The following CABLES1 variants were observed in gnomAD, a reference collection of about 807,000 sequenced individuals.
The protein encoded by CABLES1 is Cdk5 and Abl enzyme substrate 1, also known as CDK5 and ABL1 enzyme substrate 1.
Under a neutral mutation model 57.8 loss-of-function variants are expected in CABLES1, and 36 were observed. That is an observed-to-expected ratio of 0.62 (90% CI 0.48 to 0.82). The LOEUF (loss-of-function observed/expected upper bound fraction) is 0.82. Ranked by LOEUF, CABLES1 falls within the 40% of genes least tolerant of loss-of-function variation. The pLI is 0.00. For synonymous variants in CABLES1, 374 were observed against 363.0 expected, an observed-to-expected ratio of 1.03 and a Z score of -0.35; for missense variants, 767 against 836.6, an observed-to-expected ratio of 0.92 and a Z score of 1.03.
At chr18:23,159,027 G>A (rs918437415) in intron 1 of CABLES1, among the ~76,000 whole-genome samples, 2 of 152,166 alleles carry the variant, frequency 1.3e-5, no homozygotes, top group Admixed American at 6.5e-5. Flanking sequence ...AGTGCAGGGC[G>A]CGATCTCGGC....
At chr18:23,238,374 C>T (rs958806897) in intron 7 of CABLES1, among the ~76,000 whole-genome samples, 1 of 152,228 alleles carries the variant, frequency 6.6e-6, no homozygotes, top group Non-Finnish European at 1.5e-5. Context: ...TGGTCATTTT[C>T]GTATGCCACA....
At chr18:23,252,244 CAG>C (rs2048056885) in intron 7 of CABLES1, among the ~76,000 whole-genome samples, 1 of 152,082 alleles carries the variant, frequency 6.6e-6, no homozygotes, top group African/African-American at 2.4e-5. Flanking sequence ...ATTTAATGGG[CAG>C]AGTGTTTCAA....
chr18:23,192,977 G>C (rs1392608339), intron 2 of CABLES1, among the ~76,000 whole-genome samples: 1 of 152,074 alleles, frequency 6.6e-6, no homozygotes, highest in Admixed American at 6.5e-5. Context: ...GGATTTTGGG[G>C]CTGCAGTGAG....
intron 4 of CABLES1, among the ~76,000 whole-genome samples, chr18:23,220,272 A>C (rs1358364462): frequency 3.9e-5 from 6 of 152,198 alleles, no homozygotes; most frequent in Non-Finnish European, 7.3e-5. Flanking sequence ...AATAGAGGTA[A>C]TAATAGAAAC....
intron 4 of CABLES1, among the ~76,000 whole-genome samples, chr18:23,230,757 C>T (rs1400020230): frequency 6.6e-6 from 1 of 152,200 alleles, no homozygotes; most frequent in East Asian, 1.9e-4. Context: ...TTTCACTGGG[C>T]ATTCCTCCCT....
chr18:23,191,142 T>C (rs1262838524), intron 2 of CABLES1, among the ~76,000 whole-genome samples: 3 of 150,722 alleles, frequency 2.0e-5, no homozygotes, highest in African/African-American at 7.3e-5. Flanking sequence ...TTCCAGCTAC[T>C]CAGGAGGCTG....
chr18:23,249,889 C>G (rs1260869948), intron 7 of CABLES1, among the ~76,000 whole-genome samples: 1 of 152,180 alleles, frequency 6.6e-6, no homozygotes. Context: ...GCATGGGGCA[C>G]GAGCTGGAAG....
chr18:23,235,880 G>C lies in CABLES1; in HGVS notation c.1186-15G>C, dbSNP rs1409052870. ...TGGGAATAATCACTGGCCTGTTTTT[G>C]TCTTCACCTTTTAGACTGTTTCCTA... On this transcript the variant is annotated splice_polypyrimidine_tract_variant and intron_variant, in intron 5 of 9. Coordinates refer to ENST00000256925, the MANE Select transcript of CABLES1 (RefSeq NM_001100619.3). 3 of 1,613,036 alleles carry C rather than the reference G, an allele frequency of 1.9e-6. No homozygotes were observed. The highest frequency in any genetic ancestry group is 1.7e-6 in the Non-Finnish European group (2 of 1,179,350).
chr18:23,186,191 G>C (rs2047201321), intron 1 of CABLES1, among the ~76,000 whole-genome samples: 1 of 152,210 alleles, frequency 6.6e-6, no homozygotes, highest in Non-Finnish European at 1.5e-5. Context: ...CCAGAGCCTA[G>C]AGTTGGGACA....
chr18:23,136,372 G>T lies in CABLES1; in HGVS notation c.610G>T (p.Gly204Trp). The T allele has an allele frequency of 6.5e-7, 1 of 1,534,534 alleles. No homozygotes were observed. Among genetic ancestry groups the T allele is most frequent in the East Asian group, 2.6e-5 (1 of 38,028 alleles). ...GCTGCTCGACGGGTCCGGGGCCGCC[G>T]GGCAGGAGGAGTTGGAGGAGGACGA... is the stretch of plus-strand genomic sequence containing the variant. ...LQLLDGSGAA[G>W]QEELEEDDAF... The change falls in exon 1 of 10, where the codon GGG becomes TGG. Residue 204 changes from glycine to tryptophan, a missense_variant. Gly to Trp is a radical substitution (Grantham distance 184, BLOSUM62 -2). Transcript: ENST00000256925.
chr18:23,244,214 C>T (rs2047817798), intron 7 of CABLES1, among the ~76,000 whole-genome samples: 1 of 152,236 alleles, frequency 6.6e-6, no homozygotes, highest in Non-Finnish European at 1.5e-5. Flanking sequence ...GGAGACACTA[C>T]TCCAGGAGTC....
chr18:23,183,603 G>T (rs968409523), intron 1 of CABLES1, among the ~76,000 whole-genome samples: 2 of 152,154 alleles, frequency 1.3e-5, no homozygotes, highest in Middle Eastern at 3.2e-3. Flanking sequence ...AAGTCTGGGA[G>T]CCCTGAGTGT....
intron 7 of CABLES1, among the ~76,000 whole-genome samples, chr18:23,239,126 A>G (rs4561576): frequency 0.29 from 44,870 of 152,150 alleles, 7,038 homozygotes; most frequent in Admixed American, 0.44. Context: ...TTGAGGTTCC[A>G]GGCCGCAGTA....
At chr18:23,230,945 A>G (rs2047563210) in intron 4 of CABLES1, among the ~76,000 whole-genome samples, 1 of 152,154 alleles carries the variant, frequency 6.6e-6, no homozygotes, top group Non-Finnish European at 1.5e-5. Context: ...GTGAATTACG[A>G]ATCTTTATCA....
At chr18:23,159,606 C>G (rs765989863) in intron 1 of CABLES1, among the ~76,000 whole-genome samples, 2 of 152,140 alleles carry the variant, frequency 1.3e-5, no homozygotes, top group Non-Finnish European at 2.9e-5. Flanking sequence ...TGTGTTGATT[C>G]TGCCCGAGGC....
At chr18:23,246,534 G>A (rs868760616) in intron 7 of CABLES1, among the ~76,000 whole-genome samples, 4 of 152,058 alleles carry the variant, frequency 2.6e-5, no homozygotes, top group Middle Eastern at 3.4e-3. Flanking sequence ...TGGGACTACA[G>A]GCACCCGCCA....
chr18:23,136,004 A>G lies in CABLES1; in HGVS notation c.242A>G (p.Gln81Arg), dbSNP rs1462161109. 8.8e-7 allele frequency: 1 copy of G among 1,139,920 alleles called. No individual in the cohort carries two copies. The highest frequency in any genetic ancestry group is 1.1e-6 in the Non-Finnish European group (1 of 929,918). The allele number at this position is 1,139,920 out of a possible 1,614,324, so 70.6% of individuals were successfully genotyped here. A position where few individuals can be genotyped will look rare whatever the true frequency, so the allele number is the denominator to read the frequency against. ...NISLDGRLPP[Q>R]DAEWGGGEEG... is the part of the protein sequence containing the mutation. ...TCGCTGGACGGCCGGCTGCCGCCGC[A>G]GGACGCGGAGTGGGGCGGTGGCGAG... Residue 81 changes from glutamine to arginine, a missense_variant, in exon 1 of 10, where the codon CAG (glutamine) becomes CGG (arginine). Around this residue, in one of 4 missense-constraint regions of CABLES1, gnomAD observed 198 missense variants for 149.7 expected, o/e 1.32. Transcript: ENST00000256925.
chr18:23,183,271 A>G (rs1243177587), intron 1 of CABLES1, among the ~76,000 whole-genome samples: 2 of 152,130 alleles, frequency 1.3e-5, no homozygotes, highest in Non-Finnish European at 2.9e-5. Context: ...TTCTTCCCCA[A>G]GTGACCTTTC....
chr18:23,210,397 T>C (rs1273710007), intron 3 of CABLES1, among the ~76,000 whole-genome samples: 1 of 152,150 alleles, frequency 6.6e-6, no homozygotes, highest in African/African-American at 2.4e-5. Context: ...GACATGAGGG[T>C]GGTCAATGTC....
Sources: allele counts gnomAD v4.1 joint callset (sites outside exome capture counted in the v4.1 genomes callset), GRCh38; gene constraint gnomAD v4.1.1; regional missense constraint gnomAD v4.1.1; transcripts MANE v1.5; gene names NCBI Gene and HGNC (gene_info 2026-07-23, HGNC 2026-07-21).